Variants in NPSR1 observed in about 807,000 individuals in gnomAD.
The protein encoded by NPSR1 is neuropeptide S receptor 1, also known as neuropeptide S receptor.
NPSR1 carries 48 observed loss-of-function variants against 46.9 expected under a neutral mutation model. The observed-to-expected ratio is 1.02, with a 90% CI of 0.81 to 1.30. The LOEUF (loss-of-function observed/expected upper bound fraction) is 1.30. Ranked by LOEUF, NPSR1 falls within the 50% of genes most tolerant of loss-of-function variation. NPSR1 has a pLI of 0.00. For missense variants in NPSR1, 450 were observed against 449.5 expected (o/e 1.00, Z -0.01); for synonymous variants, 176 against 168.1 (o/e 1.05, Z -0.36).
chr7:34,781,487 T>C (rs746035678), intron 3 of NPSR1, among the ~76,000 whole-genome samples: 12 of 152,162 alleles, frequency 7.9e-5, no homozygotes, highest in Non-Finnish European at 1.5e-5. Context: ...ATGATTTGGC[T>C]AGGAACAAAG....
intron 1 of NPSR1, among the ~76,000 whole-genome samples, chr7:34,669,769 C>T (rs935414082): frequency 6.6e-6 from 1 of 152,052 alleles, no homozygotes. Flanking sequence ...GCAGATGAGG[C>T]CCAGAGAAGT....
chr7:34,861,629 T>C (rs1791193950), intron 8 of NPSR1, among the ~76,000 whole-genome samples: 1 of 151,796 alleles, frequency 6.6e-6, no homozygotes, highest in African/African-American at 2.4e-5. Flanking sequence ...ATAGAGTAGA[T>C]ACCAATAAAT....
At chr7:34,778,333 T>C (rs2128736627) in intron 2 of NPSR1, 129 bp from the exon 3 acceptor site, 1 of 556,290 alleles carries the variant, frequency 1.8e-6, no homozygotes, top group Non-Finnish European at 3.1e-6. Context: ...GGCCATCTGA[T>C]AAAGCAGGAA....
rs561972935 is a variant in NPSR1, at chr7:34,873,026, C to T, written c.1026-5050C>T. 4.5e-4 allele frequency among the ~76,000 whole-genome samples: 69 copies of T among 151,978 alleles called. 1 individual carries two copies. In the South Asian group the frequency reaches 0.013, roughly 30 times the overall value. The stretch of plus-strand genomic sequence containing the variant: ...TTTGCTGCTTAGAAATTTCTACTGC[C>T]AGATACCCTAGGCCATCACTCTTAA... On this transcript the variant is annotated intron_variant, in intron 8 of 8. Coordinates refer to the NPSR1 transcript ENST00000359791.
chr7:34,817,613 A>G (rs1306551091), intron 4 of NPSR1, among the ~76,000 whole-genome samples: 1 of 133,176 alleles, frequency 7.5e-6, no homozygotes, highest in East Asian at 2.2e-4. Context: ...AGACAAAACA[A>G]AAAAAAGAGA....
At position 34,831,366 on chromosome 7, in the gene NPSR1, A is replaced by G. The variant is rs565537428; in HGVS notation, c.681-3018A>G. ...AAACACACGTGTACACATACTGCTA[A>G]TATAGAAATTTCTGGCTATCTAATG... On this transcript the variant is annotated intron_variant, in intron 5 of 8. Transcript: ENST00000360581. Among the ~76,000 whole-genome samples the G allele has an allele frequency of 1.1e-3, 173 of 152,016 alleles. 1 individual carries two copies. Among genetic ancestry groups the G allele is most frequent in the African/African-American group, 3.8e-3 (156 of 41,466 alleles).
Position 34,827,497 on chromosome 7 carries a change from A to C in NPSR1, c.575A>C (p.Asn192Thr). 6.2e-7 allele frequency: 1 copy of C among 1,614,024 alleles called. No individual in the cohort carries two copies. The highest frequency in any genetic ancestry group is 1.1e-5 in the South Asian group (1 of 91,080). Residue 192 changes from asparagine (N) to threonine (T), a missense_variant, in exon 5 of 9, where the codon AAC (asparagine) becomes ACC (threonine). Physicochemically the swap from Asn to Thr is moderately conservative, Grantham distance 65. Transcript: ENST00000360581. ...LIIFGKRTLSNGEVQCWALWP... is the reference protein window; with the variant it reads ...LIIFGKRTLSTGEVQCWALWP... ...ATATTTGGGAAGAGGACACTGTCCA[A>C]CGGTGAAGTGCAGTGCTGGGCCCTG...
intron 3 of NPSR1, among the ~76,000 whole-genome samples, chr7:34,803,523 C>T (rs981706734): frequency 1.3e-5 from 2 of 150,650 alleles, no homozygotes; most frequent in Non-Finnish European, 3.0e-5. Flanking sequence ...ACAATGAGAA[C>T]ACATGGACAC....
downstream of NPSR1, chr7:34,850,055 A>G: frequency 1.1e-6 from 1 of 917,018 alleles, no homozygotes; most frequent in Non-Finnish European, 1.3e-6. Context: ...AAAAGACTTA[A>G]TTAAGCCCAT....
At chr7:34,818,755 C>T (rs181625250) in intron 4 of NPSR1, among the ~76,000 whole-genome samples, 1 of 152,040 alleles carries the variant, frequency 6.6e-6, no homozygotes, top group East Asian at 1.9e-4. Context: ...AGCCCTCAGA[C>T]ATAACACCAC....
intron 5 of NPSR1, among the ~76,000 whole-genome samples, chr7:34,830,324 C>T (rs1790057681): frequency 2.0e-5 from 3 of 152,108 alleles, no homozygotes; most frequent in African/African-American, 4.8e-5. Context: ...CTCCTTCATG[C>T]ATGCTATATA....
rs1210010926 is a variant in NPSR1, at chr7:34,791,199, ATAT to A, written c.384+12638_384+12640del. Among the ~76,000 whole-genome samples the A allele has an allele frequency of 5.8e-3, 540 of 93,184 alleles. 3 individuals are homozygous for A. Among genetic ancestry groups the A allele is most frequent in the Non-Finnish European group, 7.8e-3 (408 of 52,054 alleles). The allele number at this position is 93,184 out of a possible 152,430, so 61.1% of individuals were successfully genotyped here. On this transcript the variant is annotated intron_variant, in intron 3 of 8. Coordinates refer to ENST00000360581, the MANE Select transcript of NPSR1 (RefSeq NM_207172.2). ...TTATATTATATATGTTATATGTTAT[ATAT>A]TATATTATATATGTTATATGTTATA...
intron 1 of NPSR1, among the ~76,000 whole-genome samples, chr7:34,669,316 A>G (rs1791917407): frequency 6.6e-6 from 1 of 152,194 alleles, no homozygotes; most frequent in Non-Finnish European, 1.5e-5. Flanking sequence ...TAATCCCAGC[A>G]CTTTGGGAGA....
chr7:34,756,639 T>C (rs1444123992), intron 2 of NPSR1, among the ~76,000 whole-genome samples: 6 of 152,258 alleles, frequency 3.9e-5, no homozygotes, highest in Admixed American at 3.3e-4. Flanking sequence ...ATAATTTTCA[T>C]GTGCCTGGGC....
chr7:34,794,503 C>T (rs770980012), intron 3 of NPSR1, among the ~76,000 whole-genome samples: 2 of 152,022 alleles, frequency 1.3e-5, no homozygotes, highest in Admixed American at 6.6e-5. Flanking sequence ...GAGAAATAGG[C>T]AATCTAAATA....
At chr7:34,767,519 GA>G (rs58854821) in intron 2 of NPSR1, among the ~76,000 whole-genome samples, 10,369 of 152,164 alleles carry the variant, frequency 0.068, 1,017 homozygotes, top group African/African-American at 0.22. Flanking sequence ...ACAGCCAGAG[GA>G]AGAATTAGGT....
intron 4 of NPSR1, among the ~76,000 whole-genome samples, chr7:34,815,660 CAG>C (rs1789210157): frequency 6.6e-6 from 1 of 152,118 alleles, no homozygotes; most frequent in African/African-American, 2.4e-5. Context: ...TAACGGCAGC[CAG>C]AGAGAAAGGT....
At chr7:34,876,667 G>C (rs1791582114) in intron 8 of NPSR1, among the ~76,000 whole-genome samples, 1 of 152,104 alleles carries the variant, frequency 6.6e-6, no homozygotes, top group South Asian at 2.1e-4. Context: ...AGAGTCAATG[G>C]CTTCTGTTTC....
At chr7:34,826,188 C>A (rs1562757979) in intron 4 of NPSR1, among the ~76,000 whole-genome samples, 1 of 152,158 alleles carries the variant, frequency 6.6e-6, no homozygotes, top group African/African-American at 2.4e-5. Context: ...AGACCTTAAT[C>A]AGATTGCTAT....
Sources: allele counts gnomAD v4.1 joint callset (sites outside exome capture counted in the v4.1 genomes callset), GRCh38; gene constraint gnomAD v4.1.1; transcripts MANE v1.5; gene names NCBI Gene and HGNC (gene_info 2026-07-23, HGNC 2026-07-21).